CSNK2A2IP: variants seen among roughly 807,000 people sequenced by gnomAD.
CSNK2A2IP encodes casein kinase II subunit alpha'-interacting protein.
At chr3:88,448,253 C>G in the CSNK2A2IP span, among the ~76,000 whole-genome samples, 1 of 152,090 alleles carries the variant, frequency 6.6e-6, no homozygotes, top group East Asian at 1.9e-4. Flanking sequence ...ATGTTTGATT[C>G]CTATGCAAAG....
At chr3:88,459,631 T>C in the CSNK2A2IP span, among the ~76,000 whole-genome samples, 1 of 152,130 alleles carries the variant, frequency 6.6e-6, no homozygotes, top group African/African-American at 2.4e-5. Context: ...GCTAATCTTT[T>C]ATCAACTTGT....
At chr3:88,456,622 T>C in the CSNK2A2IP span, among the ~76,000 whole-genome samples, 1 of 151,234 alleles carries the variant, frequency 6.6e-6, no homozygotes, top group South Asian at 2.1e-4. Flanking sequence ...TGTATGATTA[T>C]GTTATCTGCA....
At chr3:88,360,099 T>G in the CSNK2A2IP span, among the ~76,000 whole-genome samples, 2 of 152,064 alleles carry the variant, frequency 1.3e-5, no homozygotes, top group Non-Finnish European at 2.9e-5. Flanking sequence ...CCCTTTGCAA[T>G]GACACAATGA....
the CSNK2A2IP span, among the ~76,000 whole-genome samples, chr3:88,391,255 A>T: frequency 1.5e-4 from 23 of 152,194 alleles, no homozygotes; most frequent in African/African-American, 5.3e-4. Context: ...GCCATTCTTG[A>T]GGATAGTTTT....
chr3:88,445,587 C>A, the CSNK2A2IP span, among the ~76,000 whole-genome samples: 1 of 152,064 alleles, frequency 6.6e-6, no homozygotes, highest in Non-Finnish European at 1.5e-5. Context: ...CAGACAGAGT[C>A]TCACTCTGTC....
At chr3:88,374,281 TA>T in the CSNK2A2IP span, among the ~76,000 whole-genome samples, 1 of 151,704 alleles carries the variant, frequency 6.6e-6, no homozygotes, top group Non-Finnish European at 1.5e-5. Context: ...TGCGAGGCAG[TA>T]ATGAAGAATT....
At chr3:88,435,645 C>T in the CSNK2A2IP span, among the ~76,000 whole-genome samples, 4 of 152,118 alleles carry the variant, frequency 2.6e-5, no homozygotes, top group Admixed American at 6.6e-5. Flanking sequence ...CTATTACTTG[C>T]GGCCTTTAAA....
At chr3:88,465,754 T>A in the CSNK2A2IP span, 1 of 1,231,586 alleles carries the variant, frequency 8.1e-7, no homozygotes, top group African/African-American at 1.6e-5. Context: ...AACGTCTTCA[T>A]CTGACCTCAA....
the CSNK2A2IP span, among the ~76,000 whole-genome samples, chr3:88,414,367 C>T: frequency 8.3e-5 from 12 of 145,192 alleles, no homozygotes. Flanking sequence ...ACTGTAACCT[C>T]CGCCTCCTGG....
the CSNK2A2IP span, among the ~76,000 whole-genome samples, chr3:88,431,032 A>G: frequency 2.5e-4 from 38 of 152,360 alleles, no homozygotes; most frequent in Non-Finnish European, 4.1e-4. Context: ...AGTTATTTTA[A>G]GATGCATTCT....
At chr3:88,401,517 C>T in the CSNK2A2IP span, among the ~76,000 whole-genome samples, 1 of 151,868 alleles carries the variant, frequency 6.6e-6, no homozygotes, top group East Asian at 1.9e-4. Flanking sequence ...GCTAAGATAC[C>T]CCTTGCAGAA....
the CSNK2A2IP span, among the ~76,000 whole-genome samples, chr3:88,365,569 A>G: frequency 6.6e-6 from 1 of 152,314 alleles, no homozygotes; most frequent in African/African-American, 2.4e-5. Context: ...GGAGCTCATT[A>G]CTTGTCATCA....
chr3:88,407,023 A>G, the CSNK2A2IP span, among the ~76,000 whole-genome samples: 3 of 152,148 alleles, frequency 2.0e-5, no homozygotes, highest in Non-Finnish European at 4.4e-5. Flanking sequence ...TAATGCTGTT[A>G]GTTCCTATCA....
chr3:88,356,024 T>A, the CSNK2A2IP span, among the ~76,000 whole-genome samples: 2 of 152,148 alleles, frequency 1.3e-5, no homozygotes, highest in African/African-American at 4.8e-5. Context: ...AAGTGTACAA[T>A]GTATAATGAT....
the CSNK2A2IP span, among the ~76,000 whole-genome samples, chr3:88,446,700 C>T: frequency 2.0e-5 from 3 of 152,120 alleles, no homozygotes; most frequent in Admixed American, 1.3e-4. Context: ...GAGAAGGTCA[C>T]GCCACTTATG....
the CSNK2A2IP span, among the ~76,000 whole-genome samples, chr3:88,414,794 G>A: frequency 4.6e-5 from 7 of 151,938 alleles, no homozygotes; most frequent in East Asian, 1.9e-4. Flanking sequence ...TAATCAAATC[G>A]AAATGACTAA....
the CSNK2A2IP span, among the ~76,000 whole-genome samples, chr3:88,393,421 T>C: frequency 1.3e-5 from 2 of 152,178 alleles, no homozygotes; most frequent in Non-Finnish European, 2.9e-5. Flanking sequence ...AGGAGAGTAG[T>C]AGATAATTTG....
At chr3:88,446,516 G>A in the CSNK2A2IP span, among the ~76,000 whole-genome samples, 1 of 152,150 alleles carries the variant, frequency 6.6e-6, no homozygotes, top group African/African-American at 2.4e-5. Context: ...GTCAACACCT[G>A]TCCTTCCTTT....
At chr3:88,437,657 A>T in the CSNK2A2IP span, among the ~76,000 whole-genome samples, 1 of 152,240 alleles carries the variant, frequency 6.6e-6, no homozygotes, top group Non-Finnish European at 1.5e-5. Flanking sequence ...CTAATTAAAA[A>T]AATCTTGGCA....
Sources: gnomAD v4.1 joint callset for allele counts (sites outside exome capture counted in the v4.1 genomes callset) on GRCh38, gnomAD v4.1.1 for gene constraint, MANE v1.5 for transcripts, NCBI Gene and HGNC (gene_info 2026-07-23, HGNC 2026-07-21) for gene names.